The following VAV3 variants were observed in gnomAD, a reference collection of about 807,000 sequenced individuals.
VAV3 encodes vav guanine nucleotide exchange factor 3.
In VAV3, 94 loss-of-function variants were observed where a neutral mutation model predicts 131.2. The ratio of observed to expected loss-of-function variants is 0.72; its 90% CI spans 0.61 to 0.85. The LOEUF (loss-of-function observed/expected upper bound fraction) is 0.85, where lower values mean the gene tolerates loss of function less well. Ranked by LOEUF, VAV3 falls within the 40% of genes least tolerant of loss-of-function variation. VAV3 has a pLI of 0.00. For missense variants in VAV3, 939 were observed against 1,002.7 expected (o/e 0.94, Z 0.86); for synonymous variants, 349 against 342.0 (o/e 1.02, Z -0.22).
intron 1 of VAV3, among the ~76,000 whole-genome samples, chr1:107,947,201 C>G (rs1674312038): frequency 6.6e-6 from 1 of 152,190 alleles, no homozygotes; most frequent in Admixed American, 6.5e-5. Flanking sequence ...TCTCCCAATT[C>G]TGGGTAGAGT....
intron 18 of VAV3, among the ~76,000 whole-genome samples, chr1:107,687,831 A>C (rs1659141295): frequency 6.6e-6 from 1 of 152,084 alleles, no homozygotes; most frequent in African/African-American, 2.4e-5. Flanking sequence ...TTATTCTGAG[A>C]GGTAACATGG....
At chr1:107,895,325 C>T (rs890862843) in intron 1 of VAV3, among the ~76,000 whole-genome samples, 5 of 152,102 alleles carry the variant, frequency 3.3e-5, no homozygotes, top group Admixed American at 2.0e-4. Flanking sequence ...TTACATTGTA[C>T]TTATAATGGT....
At chr1:107,595,489 T>C (rs1253780614) in intron 25 of VAV3, among the ~76,000 whole-genome samples, 1 of 152,088 alleles carries the variant, frequency 6.6e-6, no homozygotes, top group East Asian at 1.9e-4. Flanking sequence ...AAAACACTTA[T>C]TTAAAAAAAA....
intron 19 of VAV3, among the ~76,000 whole-genome samples, chr1:107,678,814 T>A (rs1364032223): frequency 1.3e-5 from 2 of 152,124 alleles, no homozygotes; most frequent in East Asian, 3.8e-4. Context: ...TGCTTTCTTG[T>A]ATGTATTGTG....
At chr1:107,763,307 A>C (rs937973485) in intron 9 of VAV3, among the ~76,000 whole-genome samples, 1 of 152,218 alleles carries the variant, frequency 6.6e-6, no homozygotes, top group Non-Finnish European at 1.5e-5. Flanking sequence ...CATTGACTGC[A>C]AAAACTACAT....
chr1:107,789,338 A>C (rs1570956588), intron 2 of VAV3, among the ~76,000 whole-genome samples: 1 of 152,318 alleles, frequency 6.6e-6, no homozygotes, highest in East Asian at 1.9e-4. Context: ...AAAGTCTCAG[A>C]AAGAAAAGGC....
At chr1:107,850,690 T>C (rs1669177287) in intron 2 of VAV3, among the ~76,000 whole-genome samples, 2 of 152,060 alleles carry the variant, frequency 1.3e-5, no homozygotes, top group South Asian at 4.1e-4. Flanking sequence ...CTGCACATTC[T>C]GCACATGTAT....
chr1:107,597,757 TC>T (rs1370502187), intron 24 of VAV3, among the ~76,000 whole-genome samples: 2 of 152,170 alleles, frequency 1.3e-5, no homozygotes, highest in African/African-American at 2.4e-5. Flanking sequence ...TGGCAATTTT[TC>T]AATCTCACCT....
chr1:107,685,173 C>T (rs1658928801), intron 18 of VAV3, among the ~76,000 whole-genome samples: 1 of 152,180 alleles, frequency 6.6e-6, no homozygotes, highest in South Asian at 2.1e-4. Flanking sequence ...ACTTCAAGAG[C>T]AACTCTGTGT....
At chr1:107,937,568 G>A (rs1441079299) in intron 1 of VAV3, among the ~76,000 whole-genome samples, 1 of 152,180 alleles carries the variant, frequency 6.6e-6, no homozygotes, top group African/African-American at 2.4e-5. Context: ...AAAATGAGCA[G>A]GGAATACCTA....
chr1:107,609,868 A>G (rs2101147126), intron 22 of VAV3, 63 bp downstream of exon 22: 1 of 1,532,482 alleles, frequency 6.5e-7, no homozygotes, highest in East Asian at 2.3e-5. Flanking sequence ...CCCACATTTA[A>G]GGCATCCTGG....
intron 15 of VAV3, among the ~76,000 whole-genome samples, chr1:107,725,640 G>T (rs1406340073): frequency 2.0e-5 from 3 of 151,938 alleles, no homozygotes; most frequent in Non-Finnish European, 2.9e-5. Flanking sequence ...TCAGCCTCCC[G>T]AGTAGCTGGG....
chr1:107,884,691 C>A (rs1337614470), intron 1 of VAV3, among the ~76,000 whole-genome samples: 1 of 151,646 alleles, frequency 6.6e-6, no homozygotes, highest in Non-Finnish European at 1.5e-5. Context: ...TTCAAATGAT[C>A]CTCCCACCTT....
chr1:107,847,304 C>T (rs1403760497), intron 2 of VAV3, among the ~76,000 whole-genome samples: 1 of 152,132 alleles, frequency 6.6e-6, no homozygotes, highest in Non-Finnish European at 1.5e-5. Context: ...GCACTAAATG[C>T]CCACAGGAGA....
At chr1:107,851,714 T>C (rs1669241406) in intron 2 of VAV3, among the ~76,000 whole-genome samples, 2 of 152,056 alleles carry the variant, frequency 1.3e-5, no homozygotes, top group Admixed American at 1.3e-4. Context: ...AATAAACATA[T>C]AATAGAGAAG....
chr1:107,906,439 C>A (rs1229604220), intron 1 of VAV3, among the ~76,000 whole-genome samples: 1 of 151,988 alleles, frequency 6.6e-6, no homozygotes, highest in South Asian at 2.1e-4. Context: ...CCGAGGTGGG[C>A]GGATCATGAG....
intron 1 of VAV3, among the ~76,000 whole-genome samples, chr1:107,920,008 T>C (rs1672817627): frequency 6.6e-6 from 1 of 152,120 alleles, no homozygotes; most frequent in Admixed American, 6.5e-5. Flanking sequence ...GGGAAAAAAA[T>C]CGGTGGTAAT....
chr1:107,582,579 C>G (rs1389204005), intron 25 of VAV3, among the ~76,000 whole-genome samples: 3 of 123,222 alleles, frequency 2.4e-5, no homozygotes, highest in African/African-American at 9.5e-5. Flanking sequence ...CACCCCACAA[C>G]AGTCCCCAGG....
intron 17 of VAV3, among the ~76,000 whole-genome samples, chr1:107,698,828 C>T (rs1392007883): frequency 6.6e-6 from 1 of 152,102 alleles, no homozygotes; most frequent in Non-Finnish European, 1.5e-5. Context: ...TGGAGGCAGG[C>T]AAGAGAGCAA....
Sources: allele counts gnomAD v4.1 joint callset (sites outside exome capture counted in the v4.1 genomes callset), GRCh38; gene constraint gnomAD v4.1.1; transcripts MANE v1.5; gene names NCBI Gene and HGNC (gene_info 2026-07-23, HGNC 2026-07-21).